The following KLC4 variants were observed in gnomAD, a reference collection of about 807,000 sequenced individuals.
The protein encoded by KLC4 is kinesin light chain 4, also known as kinesin-like protein 8.
A neutral mutation model predicts 77.2 loss-of-function variants in KLC4; 49 were observed. That is an observed-to-expected ratio of 0.63 (90% CI 0.50 to 0.80). The LOEUF is 0.80. Among genes scored for constraint, KLC4 ranks in the 30% least tolerant of loss-of-function variants. KLC4 has a pLI of 0.00. For synonymous variants in KLC4, 274 were observed against 314.5 expected, an observed-to-expected ratio of 0.87 and a Z score of 1.36; for missense variants, 669 against 793.5, an observed-to-expected ratio of 0.84 and a Z score of 1.89.
At chr6:43,073,728 TG>T (rs1295151681) in intron 14 of KLC4, 173 bp from the exon 15 acceptor site, 2 of 619,858 alleles carry the variant, frequency 3.2e-6, no homozygotes, top group Non-Finnish European at 5.7e-6. Context: ...TCTTGGCTCC[TG>T]ATCTCTGGAG....
intron 14 of KLC4, 118 bp downstream of exon 14, chr6:43,073,456 G>T (rs1582029444): frequency 7.9e-6 from 5 of 636,694 alleles, no homozygotes; most frequent in Non-Finnish European, 1.4e-5. Flanking sequence ...TTTGAGACCA[G>T]CCTGGCCAAC....
chr6:43,070,084 A>G (rs922363378), intron 6 of KLC4, among the ~76,000 whole-genome samples: 5 of 143,770 alleles, frequency 3.5e-5, no homozygotes, highest in African/African-American at 8.5e-5. Context: ...TCATGGTGAC[A>G]ACAACAACAA....
In KLC4 at chr6:43,071,495, C is replaced by T. The variant is rs149094125; in HGVS notation, c.1256-72C>T. The T allele has an allele frequency of 7.3e-5, 115 of 1,569,398 alleles. No individual in the cohort carries two copies. The African/African-American group carries it at 1.4e-3, about 19-fold the overall frequency. On this transcript the variant is annotated intron_variant, in intron 9 of 15. Transcript: ENST00000347162. ...AGACCCCTTCAGTCCAGCCTGTCAG[C>T]CTCTGGGTCCTGGCTCTCCGACACT...
chr6:43,060,293 GTCTC>G (rs757195884), intron 1 of KLC4: 26 of 1,612,884 alleles, frequency 1.6e-5, no homozygotes, highest in African/African-American at 8.0e-5. Context: ...CTCTGGTTAA[GTCTC>G]TCTCTCTCAT....
intron 3 of KLC4, among the ~76,000 whole-genome samples, chr6:43,065,136 A>G (rs1214705): frequency 0.98 from 148,726 of 152,088 alleles, 72,737 homozygotes; most frequent in African/African-American, 0.99. Flanking sequence ...GTGCAATGGC[A>G]TGATCTCGGC....
rs1019077925 is a variant in KLC4 at position 43,061,527 on chromosome 6, G to C, written c.192G>C (p.Val64=). ...AGGGAGGCCATGAGGAAGGGCTGGTGCATGAGAAGGCCCGGCAGCTTCGCC... is the reference window on the plus strand; with the variant it reads ...AGGGAGGCCATGAGGAAGGGCTGGTCCATGAGAAGGCCCGGCAGCTTCGCC... ...LQQGGHEEGL[V]HEKARQLRRS... The change falls in exon 2 of 16, where the codon GTG becomes GTC. Residue 64 remains valine, a synonymous_variant. Coordinates refer to ENST00000347162, the MANE Select transcript of KLC4 (RefSeq NM_201521.3). 6.2e-7 allele frequency: 1 copy of C among 1,614,088 alleles called. No homozygotes were observed. Among genetic ancestry groups the C allele is most frequent in the African/African-American group, 1.3e-5 (1 of 75,064 alleles).
chr6:43,073,157 G>C, intron 13 of KLC4, 66 bp from the exon 14 acceptor site: 1 of 1,415,720 alleles, frequency 7.1e-7, no homozygotes, highest in South Asian at 1.2e-5. Context: ...TAAATGCTAG[G>C]AGTAGACTCA....
chr6:43,063,977 C>T (rs1765295398), intron 3 of KLC4, among the ~76,000 whole-genome samples: 1 of 152,182 alleles, frequency 6.6e-6, no homozygotes, highest in Admixed American at 6.5e-5. Flanking sequence ...GCTGGGATTA[C>T]AGGTGTCTGC....
At chr6:43,066,284 T>A (rs1765419625) in intron 4 of KLC4, 22 bp from the exon 5 acceptor site, 1 of 1,597,746 alleles carries the variant, frequency 6.3e-7, no homozygotes, top group Non-Finnish European at 8.6e-7. Flanking sequence ...GAGTCCTTTG[T>A]TTATGTTCTG....
chr6:43,062,976 G>C lies in KLC4; in HGVS notation c.318G>C (p.Arg106=). The C allele has an allele frequency of 1.2e-6, 2 of 1,614,232 alleles. No individual in the cohort carries two copies. Among genetic ancestry groups the C allele is most frequent in the Non-Finnish European group, 1.7e-6 (2 of 1,180,040 alleles). Residue 106 remains arginine (R), a synonymous_variant, in exon 3 of 16, where the codon CGG becomes CGC. Transcript: ENST00000347162. ...TGGAGTCGGAGAAACAGAAGCTGCG[G>C]GCTCAGGTGCGGCGGCTATGCCAGG... is the stretch of plus-strand genomic sequence containing the variant. ...STVESEKQKL[R]AQVRRLCQEN...
chr6:43,072,101 TC>T, intron 11 of KLC4, 45 bp from the exon 12 acceptor site: 1 of 1,529,282 alleles, frequency 6.5e-7, no homozygotes, highest in Non-Finnish European at 9.1e-7. Context: ...TGTTTTGTTT[TC>T]TGAACTCATT....
chr6:43,074,650 T>C lies in KLC4; in HGVS notation c.1838T>C (p.Met613Thr). Residue 613 changes from methionine to threonine, a missense_variant, in exon 16 of 16, where the codon ATG (methionine) becomes ACG (threonine). Coordinates refer to ENST00000347162, the MANE Select transcript of KLC4 (RefSeq NM_201521.3). Reference sequence around the variant, plus strand: ...TCCCGGGGCCTCAGTGCCAGCACCATGGACCTCTCTTCAAGCAGCTGACAT... The same window carrying C: ...TCCCGGGGCCTCAGTGCCAGCACCACGGACCTCTCTTCAAGCAGCTGACAT... ...QVSRGLSAST[M>T]DLSSSS 1 of 1,614,170 alleles carries C rather than the reference T, an allele frequency of 6.2e-7. No individual in the cohort carries two copies. Among genetic ancestry groups the C allele is most frequent in the Non-Finnish European group, 8.5e-7 (1 of 1,180,012 alleles).
intron 1 of KLC4, among the ~76,000 whole-genome samples, chr6:43,060,906 T>C (rs1447355917): frequency 6.6e-6 from 1 of 152,214 alleles, no homozygotes; most frequent in East Asian, 1.9e-4. Flanking sequence ...ATTTTCTGCA[T>C]ATCTCCCACT....
Position 43,072,868 on chromosome 6 carries a change from G to C in KLC4, c.1533G>C (p.Gly511=). The C allele has an allele frequency of 1.2e-6, 2 of 1,613,822 alleles. No homozygotes were observed. The highest frequency in any genetic ancestry group is 1.7e-6 in the Non-Finnish European group (2 of 1,179,852). Residue 511 remains glycine (G), a synonymous_variant, in exon 13 of 16, where the codon GGG becomes GGC. Coordinates refer to ENST00000347162, the MANE Select transcript of KLC4 (RefSeq NM_201521.3). ...AGACGAAGGTGGCAGAGCTGCTTGG[G>C]GAGAGTGATGGTAGAAGGACCTCCC... The part of the protein sequence containing the change: ...ISQTKVAELL[G]ESDGRRTSQE...
intron 12 of KLC4, 143 bp from the exon 13 acceptor site, chr6:43,072,676 AAAGGT>A: frequency 1.4e-6 from 1 of 693,986 alleles, no homozygotes. Flanking sequence ...TGCAAATAGA[AAAGGT>A]AAGTATTATT....
chr6:43,071,468 C>T, intron 9 of KLC4, 94 bp downstream of exon 9: 1 of 1,543,674 alleles, frequency 6.5e-7, no homozygotes, highest in Non-Finnish European at 8.9e-7. Flanking sequence ...CCAGGGGGAG[C>T]CAGACCCCTT....
At chr6:43,068,078 C>G (rs1765533762) in intron 6 of KLC4, among the ~76,000 whole-genome samples, 1 of 93,082 alleles carries the variant, frequency 1.1e-5, no homozygotes, top group Admixed American at 1.2e-4. Flanking sequence ...CGCCACTGCA[C>G]TCCAGCCTGG....
chr6:43,061,773 A>G (rs1468309397), intron 2 of KLC4, among the ~76,000 whole-genome samples, 180 bp downstream of exon 2: 1 of 152,246 alleles, frequency 6.6e-6, no homozygotes, highest in Non-Finnish European at 1.5e-5. Flanking sequence ...TACATCATTG[A>G]ACAAAACTGT....
At chr6:43,070,533 C>T in intron 7 of KLC4, 78 bp downstream of exon 7, 2 of 1,399,946 alleles carry the variant, frequency 1.4e-6, no homozygotes, top group Non-Finnish European at 2.0e-6. Flanking sequence ...AACCCTCCTC[C>T]TTCACTTTTT....
Sources: allele counts gnomAD v4.1 joint callset (sites outside exome capture counted in the v4.1 genomes callset), GRCh38; gene constraint gnomAD v4.1.1; transcripts MANE v1.5; gene names NCBI Gene and HGNC (gene_info 2026-07-23, HGNC 2026-07-21).